The following AK5 variants were observed in gnomAD, a reference collection of about 807,000 sequenced individuals.
The protein encoded by AK5 is adenylate kinase isoenzyme 5.
AK5 carries 27 observed loss-of-function variants against 69.5 expected under a neutral mutation model. The ratio of observed to expected loss-of-function variants is 0.39; its 90% CI spans 0.29 to 0.54. The LOEUF (loss-of-function observed/expected upper bound fraction) is 0.54, where lower values mean the gene tolerates loss of function less well. AK5 is among the 20% of genes least tolerant of loss of function. The probability of loss-of-function intolerance (pLI) is 0.71; values close to 1 mark genes in which losing one functional copy is unlikely to be tolerated. For synonymous variants in AK5, 260 were observed against 244.4 expected (o/e 1.06, Z -0.60); for missense variants, 531 against 700.4 (o/e 0.76, Z 2.73).
chr1:77,498,186 A>T (rs560866357), intron 10 of AK5, among the ~76,000 whole-genome samples: 2 of 152,174 alleles, frequency 1.3e-5, no homozygotes, highest in South Asian at 4.1e-4. Context: ...CTTCTGGGAA[A>T]GGTTCACTAA....
At chr1:77,470,854 TATA>T (rs1654439165) in intron 8 of AK5, among the ~76,000 whole-genome samples, 1 of 31,644 alleles carries the variant, frequency 3.2e-5, no homozygotes, top group African/African-American at 1.4e-4. Context: ...TATATATATA[TATA>T]TATATATATA....
Position 77,338,982 on chromosome 1 carries a change from A to G in AK5, c.700-1395A>G, listed in dbSNP as rs1311875957. ...TCCTGGGGCAAAAAAACTGGAATCC[A>G]TGTCTTCCAGCCTCCCAAGTCCATT... On this transcript the variant is annotated intron_variant, in intron 5 of 13. Transcript: ENST00000354567. Among the ~76,000 whole-genome samples the G allele has an allele frequency of 2.0e-5, 3 of 152,158 alleles. No individual in the cohort carries two copies. In the East Asian group the frequency reaches 5.8e-4, roughly 29 times the overall value.
chr1:77,479,500 C>A (rs956943473), intron 8 of AK5, among the ~76,000 whole-genome samples: 1 of 152,154 alleles, frequency 6.6e-6, no homozygotes, highest in Non-Finnish European at 1.5e-5. Context: ...GCCACCGTAC[C>A]CGGCCTGAAA....
intron 8 of AK5, among the ~76,000 whole-genome samples, chr1:77,481,678 A>G (rs1655260434): frequency 6.6e-6 from 1 of 152,262 alleles, no homozygotes; most frequent in Admixed American, 6.5e-5. Flanking sequence ...AGAGGCCAGC[A>G]TAAAGCACAA....
chr1:77,426,623 A>C (rs1357879008), intron 8 of AK5, among the ~76,000 whole-genome samples: 3 of 152,206 alleles, frequency 2.0e-5, no homozygotes, highest in African/African-American at 7.2e-5. Context: ...ATACCACCAA[A>C]CACCACCAGT....
chr1:77,421,781 T>G (rs1448407769), intron 8 of AK5, among the ~76,000 whole-genome samples: 1 of 152,206 alleles, frequency 6.6e-6, no homozygotes, highest in Non-Finnish European at 1.5e-5. Flanking sequence ...CTTGGTTTCC[T>G]TGCTGAACTC....
chr1:77,357,782 C>A (rs900129924), intron 6 of AK5, among the ~76,000 whole-genome samples: 1 of 152,184 alleles, frequency 6.6e-6, no homozygotes, highest in Non-Finnish European at 1.5e-5. Flanking sequence ...GAAGAAATGT[C>A]AACCACAAAT....
intron 6 of AK5, among the ~76,000 whole-genome samples, chr1:77,386,819 T>C (rs72679579): frequency 1.3e-5 from 2 of 152,272 alleles, no homozygotes; most frequent in Non-Finnish European, 2.9e-5. Flanking sequence ...TTAACCTATT[T>C]CTCTTCATCC....
chr1:77,290,675 C>T (rs1326634280), intron 2 of AK5, among the ~76,000 whole-genome samples: 2 of 152,176 alleles, frequency 1.3e-5, no homozygotes, highest in Non-Finnish European at 2.9e-5. Context: ...TTCAACATGT[C>T]CAAAACCAAA....
intron 6 of AK5, among the ~76,000 whole-genome samples, chr1:77,347,725 C>T (rs1008875713): frequency 6.6e-6 from 1 of 152,120 alleles, no homozygotes; most frequent in African/African-American, 2.4e-5. Flanking sequence ...GTATATCATC[C>T]ACTGTCCTGG....
At chr1:77,420,786 T>C (rs895530987) in intron 8 of AK5, among the ~76,000 whole-genome samples, 5 of 152,214 alleles carry the variant, frequency 3.3e-5, no homozygotes, top group Admixed American at 6.5e-5. Context: ...TTTAGTTATC[T>C]TTCTTGACCT....
In AK5 at chr1:77,512,309, TG is replaced by T. The variant is rs538933168; in HGVS notation, c.1148-6253del. The stretch of plus-strand genomic sequence containing the variant: ...CGGGTATATCTTAAGTACCTGCAAG[TG>T]GCCTGGAAGTCTGGAATTAATGGCT... On this transcript the variant is annotated intron_variant, in intron 10 of 13. Coordinates refer to ENST00000354567, the MANE Select transcript of AK5 (RefSeq NM_174858.3). Among the ~76,000 whole-genome samples the T allele has an allele frequency of 4.2e-3, 638 of 152,234 alleles. 2 individuals are homozygous for T. Among genetic ancestry groups the T allele is most frequent in the African/African-American group, 0.015 (619 of 41,544 alleles).
chr1:77,439,188 T>C (rs1004317825), intron 8 of AK5, among the ~76,000 whole-genome samples: 1 of 152,170 alleles, frequency 6.6e-6, no homozygotes, highest in African/African-American at 2.4e-5. Context: ...GGAATGTACA[T>C]TGCCATGGGA....
At position 77,486,366 on chromosome 1, in the gene AK5, C is replaced by G. The variant is rs1196362782; in HGVS notation, c.1147+14C>G. 1.3e-6 allele frequency: 2 copies of G among 1,566,908 alleles called. No homozygotes were observed. Among genetic ancestry groups the G allele is most frequent in the Non-Finnish European group, 1.8e-6 (2 of 1,142,774 alleles). On this transcript the variant is annotated intron_variant, in intron 10 of 13. Transcript: ENST00000354567. ...TTTTCATAATTGGTGAGTAACAGCC[C>G]TTGCATTTTCTAACAATACAATTGC...
intron 8 of AK5, among the ~76,000 whole-genome samples, chr1:77,478,389 A>C (rs1655072629): frequency 1.3e-5 from 2 of 152,226 alleles, no homozygotes; most frequent in African/African-American, 4.8e-5. Context: ...TGCTGTTCTC[A>C]TGATAGTGAA....
intron 10 of AK5, among the ~76,000 whole-genome samples, chr1:77,504,599 A>T (rs1656925075): frequency 6.6e-6 from 1 of 152,190 alleles, no homozygotes; most frequent in Non-Finnish European, 1.5e-5. Context: ...CGAAATACAA[A>T]AACAGAAAAG....
chr1:77,359,112 G>A (rs917018992), intron 6 of AK5, among the ~76,000 whole-genome samples: 5 of 151,920 alleles, frequency 3.3e-5, no homozygotes, highest in Non-Finnish European at 5.9e-5. Context: ...AAACTTAGCC[G>A]GGCATAGTGG....
At chr1:77,379,759 C>T (rs1647495610) in intron 6 of AK5, among the ~76,000 whole-genome samples, 1 of 152,206 alleles carries the variant, frequency 6.6e-6, no homozygotes, top group Non-Finnish European at 1.5e-5. Context: ...TACTTCATTA[C>T]TGCTGTTTGA....
intron 10 of AK5, among the ~76,000 whole-genome samples, chr1:77,511,791 T>C (rs1183682584): frequency 6.6e-6 from 1 of 151,900 alleles, no homozygotes; most frequent in Non-Finnish European, 1.5e-5. Context: ...AGAACTGAAG[T>C]AGGGCAAAGG....
Sources: gnomAD v4.1 joint callset for allele counts (sites outside exome capture counted in the v4.1 genomes callset) on GRCh38, gnomAD v4.1.1 for gene constraint, MANE v1.5 for transcripts, NCBI Gene and HGNC (gene_info 2026-07-23, HGNC 2026-07-21) for gene names.